The following NLRP5 variants were observed in gnomAD, a reference collection of about 807,000 sequenced individuals.
The protein encoded by NLRP5 is NLR family pyrin domain containing 5, also known as NACHT, LRR and PYD domains-containing protein 5.
NLRP5 carries 93 observed loss-of-function variants against 113.1 expected under a neutral mutation model. That is an observed-to-expected ratio of 0.82 (90% CI 0.70 to 0.98). The LOEUF is 0.98. Among genes scored for constraint, NLRP5 ranks in the 50% least tolerant of loss-of-function variants. The pLI is 0.00. For missense variants in NLRP5, 1,808 were observed against 1,514.3 expected, an observed-to-expected ratio of 1.19 and a Z score of -3.22; for synonymous variants, 751 against 600.7, an observed-to-expected ratio of 1.25 and a Z score of -3.66.
upstream of NLRP5, among the ~76,000 whole-genome samples, chr19:55,998,379 TGTG>T (rs1314833989): frequency 6.6e-6 from 1 of 151,786 alleles, no homozygotes; most frequent in Non-Finnish European, 1.5e-5. Context: ...TGAGGCCAGA[TGTG>T]GTGGCTCACG....
At chr19:56,056,967 C>T (rs1263333685) in intron 13 of NLRP5, among the ~76,000 whole-genome samples, 2 of 152,020 alleles carry the variant, frequency 1.3e-5, no homozygotes, top group East Asian at 1.9e-4. Context: ...TGATGAAACC[C>T]CGTCTATACT....
chr19:56,005,428 CAT>C (rs934156144), intron 2 of NLRP5, among the ~76,000 whole-genome samples: 66 of 148,710 alleles, frequency 4.4e-4, no homozygotes, highest in Middle Eastern at 3.5e-3. Context: ...TATATATACA[CAT>C]ATTTATATAT....
At chr19:56,001,799 C>T (rs2123264372) in intron 1 of NLRP5, among the ~76,000 whole-genome samples, 1 of 152,290 alleles carries the variant, frequency 6.6e-6, no homozygotes, top group East Asian at 1.9e-4. Flanking sequence ...CACACCAATA[C>T]CGCCCCTCAG....
upstream of NLRP5, among the ~76,000 whole-genome samples, chr19:55,996,367 T>C (rs1981325092): frequency 6.6e-6 from 1 of 152,184 alleles, no homozygotes; most frequent in Non-Finnish European, 1.5e-5. Flanking sequence ...TCTTTTCTTT[T>C]ATACTTTAAG....
intron 11 of NLRP5, among the ~76,000 whole-genome samples, chr19:56,044,035 T>G (rs1050003569): frequency 3.8e-4 from 58 of 151,668 alleles, no homozygotes; most frequent in African/African-American, 1.4e-3. Context: ...CTTCTAGAAT[T>G]TTTAGAATTT....
intron 9 of NLRP5, among the ~76,000 whole-genome samples, chr19:56,037,393 G>C (rs924795297): frequency 6.6e-6 from 1 of 152,058 alleles, no homozygotes; most frequent in Non-Finnish European, 1.5e-5. Flanking sequence ...ACTAACATAA[G>C]TATGTGGAAC....
chr19:56,010,550 G>T (rs1472325395), intron 3 of NLRP5, among the ~76,000 whole-genome samples: 1 of 150,826 alleles, frequency 6.6e-6, no homozygotes, highest in Non-Finnish European at 1.5e-5. Context: ...TTCGAGACCA[G>T]TCTGACCAAC....
chr19:56,022,417 G>A (rs971085385), intron 6 of NLRP5, among the ~76,000 whole-genome samples: 1 of 152,084 alleles, frequency 6.6e-6, no homozygotes, highest in Non-Finnish European at 1.5e-5. Context: ...GGAGGGGGCA[G>A]GGGGTCTCGC....
intron 3 of NLRP5, among the ~76,000 whole-genome samples, chr19:56,011,703 T>C (rs76434136): frequency 2.6e-5 from 4 of 151,632 alleles, no homozygotes; most frequent in Non-Finnish European, 5.9e-5. Context: ...TTTTTTTTTT[T>C]CTTTCCCGCC....
chr19:56,038,121 C>T lies in NLRP5; in HGVS notation c.2712C>T (p.Asn904=). 6.2e-7 allele frequency: 1 copy of T among 1,614,008 alleles called. No homozygotes were observed. The change falls in exon 10 of 15, where the codon AAC becomes AAT. Residue 904 remains asparagine (N), a synonymous_variant. Transcript: ENST00000390649. ...TGAAATCTCTGAGCCTGGCAGGAAA[C>T]AAGGTGACAGACCAGGGAGTAATGC...
chr19:56,005,308 TTTATATATAC>T (rs1355530563), intron 2 of NLRP5, among the ~76,000 whole-genome samples: 6 of 144,202 alleles, frequency 4.2e-5, no homozygotes, highest in African/African-American at 1.6e-4. Flanking sequence ...CACATATATA[TTTATATATAC>T]ACACATATTT....
chr19:56,028,339 G>T lies in NLRP5; in HGVS notation c.2106G>T (p.Leu702Phe). The T allele has an allele frequency of 6.2e-7, 1 of 1,613,958 alleles. No individual in the cohort carries two copies. The highest frequency in any genetic ancestry group is 1.1e-5 in the South Asian group (1 of 91,074). The change falls in exon 7 of 15, where the codon TTG becomes TTT. Residue 702 changes from leucine (L) to phenylalanine (F), a missense_variant. Transcript: ENST00000390649. ...CTCAAGACAAAGAGTTTGTTCGCTT[G>T]GCATTAAACAGCTTCCAAGAAGTGT...
intron 10 of NLRP5, 52 bp from the exon 11 acceptor site, chr19:56,040,870 G>A (rs1315916139): frequency 6.7e-7 from 1 of 1,490,474 alleles, no homozygotes; most frequent in Non-Finnish European, 9.2e-7. Flanking sequence ...GGGAAAGATG[G>A]AACTTTAAGA....
intron 11 of NLRP5, among the ~76,000 whole-genome samples, chr19:56,047,644 G>A (rs2123331927): frequency 6.6e-6 from 1 of 152,274 alleles, no homozygotes; most frequent in East Asian, 1.9e-4. Context: ...TCTATGGCCT[G>A]TTATGGTCTA....
intron 3 of NLRP5, among the ~76,000 whole-genome samples, chr19:56,011,807 T>C (rs1982203676): frequency 6.6e-6 from 1 of 151,140 alleles, no homozygotes. Context: ...GATTCTCCTG[T>C]CTGCCTCCCA....
At chr19:56,059,805 A>G (rs572864802) in intron 14 of NLRP5, among the ~76,000 whole-genome samples, 1 of 152,350 alleles carries the variant, frequency 6.6e-6, no homozygotes, top group East Asian at 1.9e-4. Flanking sequence ...GATGACAGGC[A>G]TGAGCCACCA....
chr19:56,061,141 C>T (rs914038694), intron 14 of NLRP5, among the ~76,000 whole-genome samples: 1 of 152,214 alleles, frequency 6.6e-6, no homozygotes, highest in African/African-American at 2.4e-5. Context: ...GTCTGCCATA[C>T]TTTTTCTAAC....
rs374537249 is a variant in NLRP5 at position 56,028,291 on chromosome 19, C to T, written c.2058C>T (p.Asp686=). The change falls in exon 7 of 15, where the codon GAC becomes GAT. Residue 686 remains aspartate (D), a synonymous_variant. Transcript: ENST00000390649. ...CCACCACCCCAGGAGACACCCTGGA[C>T]GCCTTCCACTGTCTTTTCGAGACTC... The T allele has an allele frequency of 1.6e-4, 262 of 1,613,930 alleles. No individual in the cohort carries two copies. Among genetic ancestry groups the T allele is most frequent in the Non-Finnish European group, 1.9e-4 (225 of 1,179,846 alleles).
chr19:56,032,643 G>A lies in NLRP5; in HGVS notation c.2309G>A (p.Trp770Ter), dbSNP rs1404840108. The A allele has an allele frequency of 6.2e-7, 1 of 1,613,624 alleles. No homozygotes were observed. Among genetic ancestry groups the A allele is most frequent in the Non-Finnish European group, 8.5e-7 (1 of 1,179,800 alleles). ...GATAAGACCCTCATTGAGGAGCAGT[G>A]GGAAGATTTCTGCTCCATGCTTGGC... Residue 770 changes from tryptophan to a stop codon, truncating the protein, a stop_gained, in exon 8 of 15, where the codon TGG becomes TAG. Transcript: ENST00000390649. LOFTEE classifies it high-confidence loss of function.
Sources: gnomAD v4.1 joint callset for allele counts (sites outside exome capture counted in the v4.1 genomes callset) on GRCh38, gnomAD v4.1.1 for gene constraint, MANE v1.5 for transcripts, NCBI Gene and HGNC (gene_info 2026-07-23, HGNC 2026-07-21) for gene names.